The following RTN4 variants were observed in gnomAD, a reference collection of about 807,000 sequenced individuals.
RTN4 encodes reticulon 4.
A neutral mutation model predicts 90.4 loss-of-function variants in RTN4; 32 were observed. The observed-to-expected ratio is 0.35, with a 90% CI of 0.27 to 0.48. The LOEUF (loss-of-function observed/expected upper bound fraction) is 0.48. Among genes scored for constraint, RTN4 ranks in the 20% least tolerant of loss-of-function variants. The pLI, the probability that RTN4 is intolerant of heterozygous loss-of-function variation, is 0.99. For synonymous variants in RTN4, 629 were observed against 552.5 expected, an observed-to-expected ratio of 1.14 and a Z score of -1.94; for missense variants, 1,706 against 1,430.2, an observed-to-expected ratio of 1.19 and a Z score of -3.11.
the RTN4 span, among the ~76,000 whole-genome samples, chr2:55,130,487 C>T: frequency 2.0e-5 from 3 of 152,242 alleles, no homozygotes; most frequent in South Asian, 4.1e-4. Context: ...TGGTGGCTCA[C>T]GCCTGTAATC....
chr2:54,992,397 T>A (rs1487064804), intron 3 of RTN4, among the ~76,000 whole-genome samples: 2 of 152,186 alleles, frequency 1.3e-5, no homozygotes, highest in Non-Finnish European at 2.9e-5. Context: ...TGTAGGCAGA[T>A]AATTACAACA....
chr2:55,003,618 A>G (rs1279727204), intron 3 of RTN4, among the ~76,000 whole-genome samples: 3 of 152,248 alleles, frequency 2.0e-5, no homozygotes, highest in Non-Finnish European at 2.9e-5. Flanking sequence ...AATTCTAGCA[A>G]GAGATGGGAC....
intron 1 of RTN4, among the ~76,000 whole-genome samples, chr2:55,035,780 T>G (rs1230460162): frequency 1.3e-5 from 2 of 152,154 alleles, no homozygotes; most frequent in Non-Finnish European, 2.9e-5. Flanking sequence ...CCTAAAAACG[T>G]AAGAGAATAT....
intron 1 of RTN4, among the ~76,000 whole-genome samples, chr2:55,090,255 C>A (rs1021715607): frequency 3.3e-5 from 5 of 152,152 alleles, no homozygotes; most frequent in Non-Finnish European, 7.4e-5. Flanking sequence ...CAAATGTCCC[C>A]TAGGTAGAGT....
chr2:55,066,169 TTGTGTG>T (rs71410416), intron 2 of RTN4, among the ~76,000 whole-genome samples: 3,556 of 142,308 alleles, frequency 0.025, 76 homozygotes, highest in South Asian at 0.038. Flanking sequence ...ATGAACCCAT[TTGTGTG>T]TGTGTGTGTG....
At chr2:55,010,154 T>C in intron 3 of RTN4, 2 of 1,612,802 alleles carry the variant, frequency 1.2e-6, no homozygotes, top group African/African-American at 1.3e-5. Flanking sequence ...GCTCCAATTA[T>C]TAATTATGCA....
At chr2:55,073,069 C>A (rs922436681) in intron 2 of RTN4, among the ~76,000 whole-genome samples, 1 of 152,020 alleles carries the variant, frequency 6.6e-6, no homozygotes, top group Non-Finnish European at 1.5e-5. Flanking sequence ...TGTTAAGAGG[C>A]CAGACTGGGT....
intron 1 of RTN4, among the ~76,000 whole-genome samples, chr2:55,036,629 A>G (rs1682710897): frequency 6.6e-6 from 1 of 151,438 alleles, no homozygotes; most frequent in Admixed American, 6.6e-5. Context: ...AAAAAATTAA[A>G]AAAATTTAAA....
intron 2 of RTN4, among the ~76,000 whole-genome samples, chr2:55,069,795 A>T (rs1202937142): frequency 6.6e-6 from 1 of 152,216 alleles, no homozygotes; most frequent in Non-Finnish European, 1.5e-5. Flanking sequence ...CTAAGAGAGC[A>T]AGAAAAAGAG....
chr2:54,974,767 A>G lies in RTN4; in HGVS notation c.3361-3T>C, dbSNP rs199739900. The G allele has an allele frequency of 3.7e-6, 6 of 1,612,294 alleles. No individual in the cohort carries two copies. Among genetic ancestry groups the G allele is most frequent in the Admixed American group, 1.7e-5 (1 of 59,994 alleles). On this transcript the variant is annotated splice_polypyrimidine_tract_variant and splice_region_variant and intron_variant, in intron 5 of 8. Coordinates refer to ENST00000337526, the MANE Select transcript of RTN4 (RefSeq NM_020532.5). ...AATACCCACATCAACACTGCAAACT[A>G]TAAGAAAATAACATTAGCCCATTAT...
chr2:55,023,810 G>A (rs762883339), intron 3 of RTN4, among the ~76,000 whole-genome samples: 36 of 151,928 alleles, frequency 2.4e-4, no homozygotes, highest in Non-Finnish European at 2.8e-4. Context: ...ACCATTTGCC[G>A]CTGTCATGAC....
chr2:55,033,216 C>T (rs1304727083), intron 1 of RTN4, among the ~76,000 whole-genome samples: 1 of 151,956 alleles, frequency 6.6e-6, no homozygotes, highest in Non-Finnish European at 1.5e-5. Flanking sequence ...ATAGAGACAA[C>T]CCTAAAAACA....
Position 54,987,708 on chromosome 2 carries a change from G to GA in RTN4, c.3014-11dup, listed in dbSNP as rs755770057. 1.1e-4 allele frequency: 168 copies of GA among 1,595,760 alleles called. No individual in the cohort carries two copies. Among genetic ancestry groups the GA allele is most frequent in the Admixed American group, 1.7e-4 (10 of 58,192 alleles). ...TACAGGAGGTCAACAACTAAAAATT[G>GA]AAAAAGAAATCTGAAATTAGAATGT... is the stretch of plus-strand genomic sequence containing the variant. On this transcript the variant is annotated splice_polypyrimidine_tract_variant and intron_variant, in intron 3 of 8. Transcript: ENST00000337526.
intron 3 of RTN4, among the ~76,000 whole-genome samples, chr2:54,995,394 G>C (rs1049630178): frequency 6.6e-6 from 1 of 152,076 alleles, no homozygotes; most frequent in Non-Finnish European, 1.5e-5. Context: ...GTTAAATCAA[G>C]GAACAAATGT....
At chr2:55,073,245 T>G (rs532552212) in intron 2 of RTN4, among the ~76,000 whole-genome samples, 2 of 152,340 alleles carry the variant, frequency 1.3e-5, no homozygotes, top group South Asian at 4.1e-4. Context: ...GGGATAACCT[T>G]TAGCTCAATC....
chr2:55,005,069 T>C (rs1052008432), intron 3 of RTN4, among the ~76,000 whole-genome samples: 9 of 152,112 alleles, frequency 5.9e-5, no homozygotes, highest in African/African-American at 2.2e-4. Flanking sequence ...AGTCCTTCAG[T>C]GTGGCTAGCG....
intron 5 of RTN4, among the ~76,000 whole-genome samples, chr2:54,981,817 A>G (rs199806033): frequency 6.6e-6 from 1 of 151,750 alleles, no homozygotes; most frequent in Non-Finnish European, 1.5e-5. Flanking sequence ...TTTCATGTAC[A>G]TAAGTGCTAG....
At chr2:54,997,962 G>C (rs1226855017) in intron 3 of RTN4, among the ~76,000 whole-genome samples, 3 of 152,110 alleles carry the variant, frequency 2.0e-5, no homozygotes, top group Non-Finnish European at 4.4e-5. Context: ...GCAGTTTCTA[G>C]GGCATACGCT....
intron 3 of RTN4, among the ~76,000 whole-genome samples, chr2:55,007,767 A>C (rs1680336658): frequency 6.6e-6 from 1 of 152,084 alleles, no homozygotes; most frequent in African/African-American, 2.4e-5. Flanking sequence ...GTATGAGGAA[A>C]CCTAATCTAG....
Sources: allele counts gnomAD v4.1 joint callset (sites outside exome capture counted in the v4.1 genomes callset), GRCh38; gene constraint gnomAD v4.1.1; transcripts MANE v1.5; gene names NCBI Gene and HGNC (gene_info 2026-07-23, HGNC 2026-07-21).